ADAM22: variants seen among roughly 807,000 people sequenced by gnomAD.
The protein encoded by ADAM22 is ADAM metallopeptidase domain 22.
A neutral mutation model predicts 144.6 loss-of-function variants in ADAM22; 65 were observed. The ratio of observed to expected loss-of-function variants is 0.45; its 90% CI spans 0.37 to 0.55. The LOEUF (loss-of-function observed/expected upper bound fraction) is 0.55. Among genes scored for constraint, ADAM22 ranks in the 20% least tolerant of loss-of-function variants. The pLI is 0.00. For synonymous variants in ADAM22, 391 were observed against 412.6 expected, an observed-to-expected ratio of 0.95 and a Z score of 0.63; for missense variants, 974 against 1,184.9, an observed-to-expected ratio of 0.82 and a Z score of 2.61.
At chr7:88,143,245 A>G (rs1835335790) in intron 15 of ADAM22, 120 bp downstream of exon 15, 4 of 626,368 alleles carry the variant, frequency 6.4e-6, no homozygotes, top group Non-Finnish European at 1.1e-5. Context: ...GTATGTACAT[A>G]TTCTAGATAT....
chr7:87,976,219 G>A (rs1008466471), intron 2 of ADAM22, among the ~76,000 whole-genome samples: 1 of 152,150 alleles, frequency 6.6e-6, no homozygotes, highest in Non-Finnish European at 1.5e-5. Flanking sequence ...TGGAAGAGGG[G>A]TGCTATGCAC....
chr7:88,154,890 C>A (rs1839496045), intron 21 of ADAM22, among the ~76,000 whole-genome samples: 1 of 151,848 alleles, frequency 6.6e-6, no homozygotes, highest in South Asian at 2.1e-4. Context: ...AAGTCTGATA[C>A]TTTTGTATAT....
Position 88,181,594 on chromosome 7 carries a change from A to G in ADAM22, c.2585A>G (p.Asn862Ser), listed in dbSNP as rs1204521527. 1 of 1,613,464 alleles carries G rather than the reference A, an allele frequency of 6.2e-7. No homozygotes were observed. Among genetic ancestry groups the G allele is most frequent in the South Asian group, 1.1e-5 (1 of 91,012 alleles). Residue 862 changes from asparagine (N) to serine (S), a missense_variant, in exon 28 of 32, where the codon AAC (asparagine) becomes AGC (serine). By Grantham distance (46) the Asn-to-Ser change is conservative (BLOSUM62 1). Coordinates refer to ENST00000413139, the MANE Select transcript of ADAM22 (RefSeq NM_001324418.2). ...TGTGAAAATGGGCGACCTCGAAGTAACTCTTGGCAAGGTAGAGGCTGGCAT... is the reference window on the plus strand; with the variant it reads ...TGTGAAAATGGGCGACCTCGAAGTAGCTCTTGGCAAGGTAGAGGCTGGCAT... ...DICENGRPRS[N>S]SWQGNLGGNK...
chr7:88,119,613 C>T (rs571092646), intron 7 of ADAM22, among the ~76,000 whole-genome samples: 6 of 152,190 alleles, frequency 3.9e-5, no homozygotes, highest in South Asian at 2.1e-4. Flanking sequence ...CTCAGGCTCC[C>T]GAGTAGCTGG....
Position 88,181,402 on chromosome 7 carries a change from T to C in ADAM22, c.2496-103T>C, listed in dbSNP as rs1010163194. ...ATTTCAGATTTTTTCTTTCTTGATTTATTTTATTTAATGCACAGTAATGCT... is the reference window on the plus strand; with the variant it reads ...ATTTCAGATTTTTTCTTTCTTGATTCATTTTATTTAATGCACAGTAATGCT... On this transcript the variant is annotated intron_variant, in intron 27 of 31. Coordinates refer to ENST00000413139, the MANE Select transcript of ADAM22 (RefSeq NM_001324418.2). 1.6e-5 allele frequency: 14 copies of C among 866,784 alleles called. No individual in the cohort carries two copies. In the African/African-American group the frequency reaches 2.2e-4, roughly 14 times the overall value. The allele number at this position is 866,784 out of a possible 1,614,324, so 53.7% of individuals were successfully genotyped here.
chr7:88,180,559 A>T (rs1291915317), intron 27 of ADAM22, among the ~76,000 whole-genome samples: 2 of 152,068 alleles, frequency 1.3e-5, no homozygotes, highest in Non-Finnish European at 2.9e-5. Context: ...TTATTCCATT[A>T]ACCAGATTCC....
At chr7:88,195,422 A>AGAGGGACAGAATGAATG (rs1214476772) in intron 31 of ADAM22, among the ~76,000 whole-genome samples, 10 of 152,244 alleles carry the variant, frequency 6.6e-5, no homozygotes, top group Admixed American at 6.5e-4. Flanking sequence ...GGAGAGGGTA[A>AGAGGGACAGAATGAATG]GAGGGACAGA....
chr7:88,000,828 A>G (rs969213235), intron 3 of ADAM22, among the ~76,000 whole-genome samples: 2 of 152,238 alleles, frequency 1.3e-5, no homozygotes, highest in African/African-American at 4.8e-5. Context: ...AATGAATACA[A>G]TTTTATTAAC....
intron 3 of ADAM22, among the ~76,000 whole-genome samples, chr7:87,981,305 G>T (rs1353101932): frequency 1.3e-5 from 2 of 152,152 alleles, no homozygotes; most frequent in African/African-American, 4.8e-5. Flanking sequence ...GGATTCTGTT[G>T]TGCAGCTCTC....
chr7:87,945,647 G>A (rs1364044663), intron 2 of ADAM22, among the ~76,000 whole-genome samples: 1 of 151,578 alleles, frequency 6.6e-6, no homozygotes, highest in Non-Finnish European at 1.5e-5. Flanking sequence ...TGAGTAGCTG[G>A]GATTACAGGC....
intron 2 of ADAM22, among the ~76,000 whole-genome samples, chr7:87,956,869 C>G (rs556200907): frequency 1.3e-5 from 2 of 152,196 alleles, no homozygotes; most frequent in East Asian, 3.9e-4. Flanking sequence ...AATAATGGTG[C>G]CGTGAACATG....
chr7:87,988,924 T>C (rs1412437802), intron 3 of ADAM22, among the ~76,000 whole-genome samples: 1 of 152,206 alleles, frequency 6.6e-6, no homozygotes, highest in Non-Finnish European at 1.5e-5. Context: ...AAAAGAGAAA[T>C]TGTAGTTGCA....
intron 8 of ADAM22, among the ~76,000 whole-genome samples, chr7:88,126,255 T>A (rs1353156461): frequency 6.6e-6 from 1 of 152,044 alleles, no homozygotes; most frequent in African/African-American, 2.4e-5. Flanking sequence ...CATGTGAAAA[T>A]GACTTACTCG....
chr7:88,151,359 A>G (rs1563334852), intron 20 of ADAM22, 39 bp downstream of exon 20: 6 of 1,611,038 alleles, frequency 3.7e-6, no homozygotes, highest in Admixed American at 1.7e-5. Flanking sequence ...TTAAAGCATG[A>G]TGTCAGGCGG....
intron 2 of ADAM22, among the ~76,000 whole-genome samples, chr7:87,962,297 G>A (rs537737631): frequency 2.6e-5 from 4 of 152,272 alleles, no homozygotes; most frequent in East Asian, 3.9e-4. Flanking sequence ...AATAACTTTT[G>A]TTCATGTTAT....
intron 2 of ADAM22, among the ~76,000 whole-genome samples, chr7:87,976,122 G>A (rs1562898750): frequency 6.6e-6 from 1 of 152,130 alleles, no homozygotes; most frequent in Non-Finnish European, 1.5e-5. Flanking sequence ...TAAGTACCTG[G>A]TGCTGGTCAA....
At chr7:88,131,202 T>C (rs902228827) in intron 10 of ADAM22, 67 bp from the exon 11 acceptor site, 5 of 1,382,946 alleles carry the variant, frequency 3.6e-6, no homozygotes, top group Non-Finnish European at 5.0e-6. Flanking sequence ...AGTTTTGTAG[T>C]CCTGTTCATA....
chr7:88,115,311 C>T (rs536719887), intron 6 of ADAM22, among the ~76,000 whole-genome samples: 2 of 152,348 alleles, frequency 1.3e-5, no homozygotes, highest in East Asian at 3.9e-4. Flanking sequence ...TCTGAAATCT[C>T]TATTTCCATC....
chr7:88,161,618 GA>G (rs1311817167), intron 22 of ADAM22, among the ~76,000 whole-genome samples: 1 of 151,634 alleles, frequency 6.6e-6, no homozygotes, highest in African/African-American at 2.4e-5. Context: ...AAATTTACAA[GA>G]AAAAACAACC....
Sources: allele counts gnomAD v4.1 joint callset (sites outside exome capture counted in the v4.1 genomes callset), GRCh38; gene constraint gnomAD v4.1.1; transcripts MANE v1.5; gene names NCBI Gene and HGNC (gene_info 2026-07-23, HGNC 2026-07-21).